PKMYT1: variants seen among roughly 807,000 people sequenced by gnomAD.
PKMYT1 encodes membrane-associated tyrosine- and threonine-specific cdc2-inhibitory kinase.
In PKMYT1, 35 loss-of-function variants were observed where a neutral mutation model predicts 49.7. That is an observed-to-expected ratio of 0.70 (90% CI 0.54 to 0.93). The LOEUF is 0.93. PKMYT1 is among the 40% of genes least tolerant of loss of function. The probability of loss-of-function intolerance (pLI) is 0.00; values close to 1 mark genes in which losing one functional copy is unlikely to be tolerated. For missense variants in PKMYT1, 677 were observed against 673.1 expected (o/e 1.01, Z -0.06); for synonymous variants, 331 against 287.6 (o/e 1.15, Z -1.53).
At chr16:2,975,847 G>C (rs1182532180) in intron 3 of PKMYT1, 35 bp from the exon 4 acceptor site, 1 of 1,555,090 alleles carries the variant, frequency 6.4e-7, no homozygotes, top group Non-Finnish European at 8.7e-7. Flanking sequence ...ACACAGTGAG[G>C]GTGAGCCACA....
chr16:2,973,056 A>T lies in PKMYT1; in HGVS notation c.1397T>A (p.Leu466Gln). 6.2e-7 allele frequency: 1 copy of T among 1,603,980 alleles called. No homozygotes were observed. The highest frequency in any genetic ancestry group is 8.5e-7 in the Non-Finnish European group (1 of 1,176,246). ...CTCTGAGTTGATGTCACTTAGGTCCAGGGCATCCCTGGGAGGAGAGAGTAG... is the reference window on the plus strand; with the variant it reads ...CTCTGAGTTGATGTCACTTAGGTCCTGGGCATCCCTGGGAGGAGAGAGTAG... ...PRSRCTPRDA[L>Q]DLSDINSEPP... is the part of the protein sequence containing the mutation. Residue 466 changes from leucine to glutamine, a missense_variant, in exon 9 of 9, where the codon CTG becomes CAG. Leu to Gln is a moderately radical substitution (Grantham distance 113, BLOSUM62 -2). Coordinates refer to ENST00000262300, the MANE Select transcript of PKMYT1 (RefSeq NM_004203.5).
chr16:2,977,334 T>C (rs1170397775), intron 2 of PKMYT1: 1 of 1,181,864 alleles, frequency 8.5e-7, no homozygotes, highest in Non-Finnish European at 1.1e-6. Context: ...TCAGACGGGC[T>C]GCGCCTGCAT....
chr16:2,976,906 C>T lies in PKMYT1; in HGVS notation c.136G>A (p.Gly46Arg). 2 of 1,542,448 alleles carry T rather than the reference C, an allele frequency of 1.3e-6. No individual in the cohort carries two copies. Among genetic ancestry groups the T allele is most frequent in the Non-Finnish European group, 1.8e-6 (2 of 1,139,974 alleles). Residue 46 changes from glycine (G) to arginine (R), a missense_variant, in exon 3 of 9, where the codon GGG becomes AGG. Gly to Arg is a moderately radical substitution (Grantham distance 125). Transcript: ENST00000262300. Reference protein sequence around the residue: ...EPGFSLKRPRGLSRSLPPPPP... With the variant: ...EPGFSLKRPRRLSRSLPPPPP... ...GGAGGTGGGAGGCTCCGGCTGAGCC[C>T]CCTGGGCCTCTTGAGGGAGAATCCA...
rs755432341 is a variant in PKMYT1 at position 2,975,723 on chromosome 16, G to C, written c.468C>G (p.Ala156=). 1 of 1,605,358 alleles carries C rather than the reference G, an allele frequency of 6.2e-7. No homozygotes were observed. The highest frequency in any genetic ancestry group is 1.7e-5 in the Admixed American group (1 of 59,996). The change falls in exon 4 of 9, where the codon GCC becomes GCG. Residue 156 remains alanine, a synonymous_variant. Coordinates refer to ENST00000262300, the MANE Select transcript of PKMYT1 (RefSeq NM_004203.5). ...CCACCTTCTCGTGGCTGCCCACCTC[G>C]GCCAACTTGCGGGCCCGGTCCTTGG... ...RGPKDRARKL[A]EVGSHEKVGQ...
At chr16:2,975,203 GCT>G in intron 4 of PKMYT1, 114 bp downstream of exon 4, 2 of 1,260,822 alleles carry the variant, frequency 1.6e-6, no homozygotes, top group Non-Finnish European at 2.1e-6. Context: ...CAGCCTTGTG[GCT>G]CTGAGGCCGG....
chr16:2,979,818 G>A lies in PKMYT1; in HGVS notation c.-161C>T, dbSNP rs2072293961. ...GCCGTCTCGCCTCACCCTCTCACCA[G>A]GCCCGACACATCTGCTGGCCACCTT... On this transcript the variant is annotated 5_prime_UTR_variant, in exon 2 of 9. Transcript: ENST00000262300. The A allele has an allele frequency of 1.3e-6, 1 of 743,608 alleles. No homozygotes were observed. The highest frequency in any genetic ancestry group is 1.7e-5 in the African/African-American group (1 of 57,442). The allele number at this position is 743,608 out of a possible 1,614,324, so 46.1% of individuals were successfully genotyped here. A position where few individuals can be genotyped will look rare whatever the true frequency, so the allele number is the denominator to read the frequency against.
chr16:2,978,396 CTGCT>C (rs2072255706), intron 2 of PKMYT1, among the ~76,000 whole-genome samples: 1 of 152,300 alleles, frequency 6.6e-6, no homozygotes, highest in Middle Eastern at 3.4e-3. Flanking sequence ...AAGAGCCTGC[CTGCT>C]GTCAGAACAA....
intron 3 of PKMYT1, among the ~76,000 whole-genome samples, 187 bp downstream of exon 3, chr16:2,976,477 G>T (rs1195476181): frequency 6.6e-6 from 1 of 152,232 alleles, no homozygotes; most frequent in African/African-American, 2.4e-5. Flanking sequence ...AGCAACCCCT[G>T]GAGGGGCCTG....
At chr16:2,979,471 G>C (rs1055402207) in intron 2 of PKMYT1, 177 bp downstream of exon 2, 5 of 625,386 alleles carry the variant, frequency 8.0e-6, no homozygotes, top group Admixed American at 7.3e-5. Context: ...CTCTTCCTCT[G>C]ACTCTAACTA....
intron 2 of PKMYT1, among the ~76,000 whole-genome samples, chr16:2,978,700 A>T (rs993868011): frequency 6.6e-6 from 1 of 150,794 alleles, no homozygotes; most frequent in Non-Finnish European, 1.5e-5. Context: ...GTGAGCCAAG[A>T]TCATGCCACT....
rs1035322604 is a variant in PKMYT1, at chr16:2,976,690, G to A, written c.352C>T (p.His118Tyr). The A allele has an allele frequency of 3.4e-6, 5 of 1,486,114 alleles. No homozygotes were observed. Among genetic ancestry groups the A allele is most frequent in the Non-Finnish European group, 4.5e-6 (5 of 1,115,682 alleles). 92.1% of individuals were successfully genotyped at this position (1,486,114 alleles called of 1,614,324 possible). A position where few individuals can be genotyped will look rare whatever the true frequency, so the allele number is the denominator to read the frequency against. Reference sequence around the variant, plus strand: ...TTGAAGACCTCTCCGTAGGAGCCATGGCCCAGGCGGCTGAGCCTCTGGAAG... The same window carrying A: ...TTGAAGACCTCTCCGTAGGAGCCATAGCCCAGGCGGCTGAGCCTCTGGAAG... Reference protein sequence around the residue: ...QSFQRLSRLGHGSYGEVFKVR... With the variant: ...QSFQRLSRLGYGSYGEVFKVR... Residue 118 changes from histidine to tyrosine, a missense_variant, in exon 3 of 9, where the codon CAT becomes TAT. Physicochemically the swap from His to Tyr is moderately conservative, Grantham distance 83. Coordinates refer to ENST00000262300, the MANE Select transcript of PKMYT1 (RefSeq NM_004203.5).
In PKMYT1 at chr16:2,976,884, G is replaced by A; in HGVS notation, c.158C>T (p.Pro53Leu). Residue 53 changes from proline to leucine, a missense_variant, in exon 3 of 9, where the codon CCT becomes CTT. Physicochemically the swap from Pro to Leu is moderately conservative, Grantham distance 98 (BLOSUM62 -3). Transcript: ENST00000262300. Reference sequence around the variant, plus strand: ...AATGCTGCCCTTGGCAGGGGGCGGAGGTGGGAGGCTCCGGCTGAGCCCCCT... The same window carrying A: ...AATGCTGCCCTTGGCAGGGGGCGGAAGTGGGAGGCTCCGGCTGAGCCCCCT... ...RPRGLSRSLP[P>L]PPPAKGSIPI... 6.5e-7 allele frequency: 1 copy of A among 1,535,802 alleles called. No individual in the cohort carries two copies. The highest frequency in any genetic ancestry group is 8.8e-7 in the Non-Finnish European group (1 of 1,135,660).
rs2072295032 is a variant in PKMYT1 at position 2,979,866 on chromosome 16, C to T, written c.-209G>A. ...CTTTCCCGGTAGACGGTAAGTTCCT[C>T]CCAGGCAGGGCCGCGGCTGACTTCA... is the stretch of plus-strand genomic sequence containing the variant. On this transcript the variant is annotated 5_prime_UTR_variant, in exon 2 of 9. Coordinates refer to ENST00000262300, the MANE Select transcript of PKMYT1 (RefSeq NM_004203.5). 6.6e-6 allele frequency: 4 copies of T among 609,460 alleles called. No homozygotes were observed. The highest frequency in any genetic ancestry group is 5.2e-5 in the Admixed American group (2 of 38,616). The allele number at this position is 609,460 out of a possible 1,614,324, so 37.8% of individuals were successfully genotyped here.
At chr16:2,980,102 G>A (rs539095851) in intron 1 of PKMYT1, 184 bp downstream of exon 1, 174 of 199,446 alleles carry the variant, frequency 8.7e-4, no homozygotes, top group African/African-American at 3.8e-3. Context: ...CTGGGAAGGG[G>A]CTCGAGGCAA....
In PKMYT1 at chr16:2,976,683, G is replaced by A. The variant is rs757117878; in HGVS notation, c.359C>T (p.Ser120Phe). The change falls in exon 3 of 9, where the codon TCC becomes TTC. Residue 120 changes from serine (S) to phenylalanine (F), a missense_variant. Coordinates refer to ENST00000262300, the MANE Select transcript of PKMYT1 (RefSeq NM_004203.5). Reference sequence around the variant, plus strand: ...ACTCACCTTGAAGACCTCTCCGTAGGAGCCATGGCCCAGGCGGCTGAGCCT... The same window carrying A: ...ACTCACCTTGAAGACCTCTCCGTAGAAGCCATGGCCCAGGCGGCTGAGCCT... ...FQRLSRLGHGSYGEVFKVRSK... is the reference protein window; with the variant it reads ...FQRLSRLGHGFYGEVFKVRSK... The A allele has an allele frequency of 1.1e-5, 17 of 1,483,790 alleles. No homozygotes were observed. The South Asian group carries it at 1.8e-4, about 15-fold the overall frequency. The allele number at this position is 1,483,790 out of a possible 1,614,324, so 91.9% of individuals were successfully genotyped here.
chr16:2,974,737 T>C, intron 4 of PKMYT1, 81 bp from the exon 5 acceptor site: 1 of 906,156 alleles, frequency 1.1e-6, no homozygotes, highest in South Asian at 1.5e-5. Context: ...CTCTTGGAGG[T>C]GGGTGGGAGA....
intron 3 of PKMYT1, 99 bp from the exon 4 acceptor site, chr16:2,975,911 C>A: frequency 1.6e-6 from 2 of 1,276,224 alleles, no homozygotes; most frequent in Non-Finnish European, 1.1e-6. Flanking sequence ...AGGGTTCACA[C>A]ACGGGGCACG....
chr16:2,979,820 C>T lies in PKMYT1; in HGVS notation c.-163G>A, dbSNP rs370007178. 10 of 722,716 alleles carry T rather than the reference C, an allele frequency of 1.4e-5. No individual in the cohort carries two copies. The highest frequency in any genetic ancestry group is 3.5e-4 in the Middle Eastern group (1 of 2,880). The allele number at this position is 722,716 out of a possible 1,614,324, so 44.8% of individuals were successfully genotyped here. A position where few individuals can be genotyped will look rare whatever the true frequency, so the allele number is the denominator to read the frequency against. On this transcript the variant is annotated 5_prime_UTR_variant, in exon 2 of 9. Coordinates refer to ENST00000262300, the MANE Select transcript of PKMYT1 (RefSeq NM_004203.5). ...CGTCTCGCCTCACCCTCTCACCAGG[C>T]CCGACACATCTGCTGGCCACCTTTC...
intron 7 of PKMYT1, 47 bp from the exon 8 acceptor site, chr16:2,973,262 T>A (rs913500024): frequency 2.7e-6 from 4 of 1,481,426 alleles, no homozygotes; most frequent in Non-Finnish European, 3.6e-6. Flanking sequence ...GGCTAGGGAG[T>A]GCCGGATGAA....
Sources: gnomAD v4.1 joint callset for allele counts (sites outside exome capture counted in the v4.1 genomes callset) on GRCh38, gnomAD v4.1.1 for gene constraint, MANE v1.5 for transcripts, NCBI Gene and HGNC (gene_info 2026-07-23, HGNC 2026-07-21) for gene names.